Variants in NEMP2 observed in about 807,000 individuals in gnomAD.
NEMP2 encodes UPF0571 transmembrane protein.
In NEMP2, 53 loss-of-function variants were observed where a neutral mutation model predicts 54.2. That is an observed-to-expected ratio of 0.98 (90% CI 0.78 to 1.23). The LOEUF is 1.23. Ranked by LOEUF, NEMP2 falls within the 50% of genes most tolerant of loss-of-function variation. The pLI, the probability that NEMP2 is intolerant of heterozygous loss-of-function variation, is 0.00. For missense variants in NEMP2, 455 were observed against 511.3 expected (o/e 0.89, Z 1.06); for synonymous variants, 197 against 190.3 (o/e 1.04, Z -0.29).
At chr2:190,499,192 G>A in the NEMP2 span, among the ~76,000 whole-genome samples, 5 of 152,104 alleles carry the variant, frequency 3.3e-5, no homozygotes, top group Admixed American at 1.3e-4. The surrounding 1 kb of genome is among the most constrained non-coding windows in gnomAD (Gnocchi z 6.0). Flanking sequence ...AATGTTTCTG[G>A]TATGTTAGGA....
rs1192591433 is a variant in NEMP2, at chr2:190,534,697, C to T, written c.-42G>A. The stretch of plus-strand genomic sequence containing the variant: ...TCCGTGCGACCCGAGCCCTAGGGGA[C>T]CGGCTCCGCTGCGAGGAGCGGAAGT... On this transcript the variant is annotated 5_prime_UTR_variant, in exon 1 of 9. Transcript: ENST00000409150. The T allele has an allele frequency of 5.5e-5, 68 of 1,233,620 alleles. No individual in the cohort carries two copies. Among genetic ancestry groups the T allele is most frequent in the Non-Finnish European group, 6.7e-5 (66 of 982,886 alleles). 76.4% of individuals were successfully genotyped at this position (1,233,620 alleles called of 1,614,324 possible).
At chr2:190,555,593 G>C in the NEMP2 span, among the ~76,000 whole-genome samples, 1 of 151,646 alleles carries the variant, frequency 6.6e-6, no homozygotes, top group African/African-American at 2.4e-5. The surrounding 1 kb of genome is among the most constrained non-coding windows in gnomAD (Gnocchi z 4.8). Flanking sequence ...TCAACTTAAT[G>C]AAATAAAGCG....
chr2:190,518,214 C>T (rs959401465), intron 4 of NEMP2, among the ~76,000 whole-genome samples: 2 of 152,078 alleles, frequency 1.3e-5, no homozygotes, highest in South Asian at 4.1e-4. Context: ...TTCCAAGAAG[C>T]AAAACATCAG....
the NEMP2 span, among the ~76,000 whole-genome samples, chr2:190,483,653 G>A: frequency 1.3e-5 from 2 of 152,116 alleles, no homozygotes; most frequent in South Asian, 4.2e-4. Flanking sequence ...TGGCCAACAT[G>A]GTGAAACCCT....
At chr2:190,558,754 A>T in the NEMP2 span, among the ~76,000 whole-genome samples, 1 of 152,198 alleles carries the variant, frequency 6.6e-6, no homozygotes, top group Non-Finnish European at 1.5e-5. This position sits in a 1 kb window ranked among gnomAD's most constrained non-coding sequence, Gnocchi z 4.4. Flanking sequence ...GGAGCCGATG[A>T]AGTATTTCAA....
At chr2:190,437,012 G>A in the NEMP2 span, 10 of 1,614,078 alleles carry the variant, frequency 6.2e-6, no homozygotes, top group Non-Finnish European at 8.5e-6. This position sits in a 1 kb window ranked among gnomAD's most constrained non-coding sequence, Gnocchi z 5.9. Context: ...GGGTTGCAGC[G>A]CATGTGGGGC....
At position 190,512,017 on chromosome 2, in the gene NEMP2, T is replaced by C. The variant is rs1380111143; in HGVS notation, c.954-1480A>G. Among the ~76,000 whole-genome samples the C allele has an allele frequency of 6.6e-6, 1 of 151,358 alleles. No homozygotes were observed. The highest frequency in any genetic ancestry group is 2.4e-5 in the African/African-American group (1 of 41,296). On this transcript the variant is annotated intron_variant, in intron 7 of 8. Coordinates refer to ENST00000409150, the MANE Select transcript of NEMP2 (RefSeq NM_001142645.2). The surrounding 1 kb of genome is among the most constrained non-coding windows in gnomAD (Gnocchi z 4.5). ...ATTTTTTCTTGAGGGTTAGGATTGA[T>C]AAATCTATTATCTTTTAAAGATCTT...
chr2:190,477,517 C>A, the NEMP2 span: 1 of 231,518 alleles, frequency 4.3e-6, no homozygotes. Flanking sequence ...ATCCATGAAA[C>A]GGTTAAAGAA....
rs927796585 is a variant in NEMP2, at chr2:190,510,835, C to T, written c.954-298G>A. ...GGCAGAGGTTGCAGTAAGCCGAGATCGCGCCACTGCACTCCAGCCTGGGCG... is the reference window on the plus strand; with the variant it reads ...GGCAGAGGTTGCAGTAAGCCGAGATTGCGCCACTGCACTCCAGCCTGGGCG... On this transcript the variant is annotated intron_variant, in intron 7 of 8. Transcript: ENST00000409150. The surrounding 1 kb of genome is among the most constrained non-coding windows in gnomAD (Gnocchi z 5.7). 1.3e-5 allele frequency among the ~76,000 whole-genome samples: 2 copies of T among 150,252 alleles called. No individual in the cohort carries two copies. Among genetic ancestry groups the T allele is most frequent in the African/African-American group, 4.9e-5 (2 of 40,668 alleles).
At chr2:190,534,906 C>T (rs1284219620), upstream of NEMP2, 3 of 332,268 alleles carry the variant, frequency 9.0e-6, no homozygotes, top group East Asian at 9.1e-5. Context: ...GGCATGCTCC[C>T]GGCCTCGGCC....
At chr2:190,488,997 T>C in the NEMP2 span, among the ~76,000 whole-genome samples, 5 of 152,346 alleles carry the variant, frequency 3.3e-5, no homozygotes, top group South Asian at 1.0e-3. This position sits in a 1 kb window ranked among gnomAD's most constrained non-coding sequence, Gnocchi z 6.4. Flanking sequence ...CTTACGTTGT[T>C]AAGCTGATCT....
At chr2:190,491,591 A>T in the NEMP2 span, among the ~76,000 whole-genome samples, 4 of 152,234 alleles carry the variant, frequency 2.6e-5, no homozygotes, top group Non-Finnish European at 5.9e-5. This position sits in a 1 kb window ranked among gnomAD's most constrained non-coding sequence, Gnocchi z 4.2. Flanking sequence ...TCAGGAAGCC[A>T]CATCCCTCAG....
chr2:190,597,269 A>C, the NEMP2 span, among the ~76,000 whole-genome samples: 1 of 151,842 alleles, frequency 6.6e-6, no homozygotes, highest in Non-Finnish European at 1.5e-5. This position sits in a 1 kb window ranked among gnomAD's most constrained non-coding sequence, Gnocchi z 4.7. Context: ...TCTCCAAAAA[A>C]AAAAAAAGCT....
chr2:190,567,718 G>A, the NEMP2 span, among the ~76,000 whole-genome samples: 22 of 152,050 alleles, frequency 1.4e-4, no homozygotes, highest in African/African-American at 5.1e-4. The surrounding 1 kb of genome is among the most constrained non-coding windows in gnomAD (Gnocchi z 4.0). Context: ...GCATGATCTC[G>A]ACTCACTGCA....
At chr2:190,495,829 T>TA in the NEMP2 span, among the ~76,000 whole-genome samples, 7 of 152,094 alleles carry the variant, frequency 4.6e-5, no homozygotes, top group Non-Finnish European at 8.8e-5. The surrounding 1 kb of genome is among the most constrained non-coding windows in gnomAD (Gnocchi z 4.7). Context: ...TCTCACCGTA[T>TA]AAAAAAATCA....
the NEMP2 span, among the ~76,000 whole-genome samples, chr2:190,482,985 G>A: frequency 2.1e-4 from 29 of 139,584 alleles, no homozygotes; most frequent in Middle Eastern, 3.8e-3. Context: ...TCTGCTTCCC[G>A]GGTTCACGCC....
At chr2:190,633,630 T>A in the NEMP2 span, among the ~76,000 whole-genome samples, 2 of 152,126 alleles carry the variant, frequency 1.3e-5, no homozygotes, top group African/African-American at 2.4e-5. Flanking sequence ...CAACTTTTCA[T>A]CTCCCATGTC....
the NEMP2 span, among the ~76,000 whole-genome samples, chr2:190,451,352 C>T: frequency 4.0e-4 from 61 of 152,270 alleles, no homozygotes; most frequent in African/African-American, 1.3e-3. This position sits in a 1 kb window ranked among gnomAD's most constrained non-coding sequence, Gnocchi z 5.0. Context: ...CATAATAAGT[C>T]CTCAACTATG....
the NEMP2 span, among the ~76,000 whole-genome samples, chr2:190,590,452 C>T: frequency 1.3e-5 from 2 of 152,166 alleles, no homozygotes; most frequent in African/African-American, 4.8e-5. The surrounding 1 kb of genome is among the most constrained non-coding windows in gnomAD (Gnocchi z 5.1). Context: ...ACCTTCCATG[C>T]TCGTCAACTG....
Sources: gnomAD v4.1 joint callset for allele counts (sites outside exome capture counted in the v4.1 genomes callset) on GRCh38, gnomAD v4.1.1 for gene constraint, Gnocchi (gnomAD v3.1) non-coding constraint, MANE v1.5 for transcripts, NCBI Gene and HGNC (gene_info 2026-07-23, HGNC 2026-07-21) for gene names.